The following CDNF variants were observed in gnomAD, a reference collection of about 807,000 sequenced individuals.
CDNF encodes cerebral dopamine neurotrophic factor, also known as ARMET-like protein 1.
A neutral mutation model predicts 14.8 loss-of-function variants in CDNF; 9 were observed. The observed-to-expected ratio is 0.61, with a 90% CI of 0.37 to 1.06. The LOEUF (loss-of-function observed/expected upper bound fraction) is 1.06, where lower values mean the gene tolerates loss of function less well. Among genes scored for constraint, CDNF ranks in the 50% least tolerant of loss-of-function variants. CDNF has a pLI of 0.01. For synonymous variants in CDNF, 86 were observed against 87.2 expected, an observed-to-expected ratio of 0.99 and a Z score of 0.07; for missense variants, 228 against 228.4, an observed-to-expected ratio of 1.00 and a Z score of 0.01.
chr10:14,823,489 C>T (rs1833754495), intron 3 of CDNF, among the ~76,000 whole-genome samples: 1 of 152,144 alleles, frequency 6.6e-6, no homozygotes, highest in Admixed American at 6.6e-5. Context: ...TTTAAAAAAT[C>T]AAAAGAGGTT....
At chr10:14,828,917 C>T (rs780756018) in intron 1 of CDNF, among the ~76,000 whole-genome samples, 21 of 151,696 alleles carry the variant, frequency 1.4e-4, no homozygotes, top group Admixed American at 2.0e-4. Context: ...GTCAGCTACT[C>T]GAGAGGCTGA....
At chr10:14,826,029 G>GAAGGAGAAGAAGA (rs1833779022) in intron 2 of CDNF, among the ~76,000 whole-genome samples, 1 of 86,206 alleles carries the variant, frequency 1.2e-5, no homozygotes, top group Non-Finnish European at 2.2e-5. Flanking sequence ...GAAGAAGAAG[G>GAAGGAGAAGAAGA]AGAAGAAGAA....
intron 3 of CDNF, among the ~76,000 whole-genome samples, chr10:14,820,723 C>G (rs1256765036): frequency 6.6e-6 from 1 of 151,724 alleles, no homozygotes; most frequent in Non-Finnish European, 1.5e-5. Flanking sequence ...CAGATTGAGA[C>G]TCTGTCTCAA....
chr10:14,827,351 G>A (rs372697337), intron 2 of CDNF, among the ~76,000 whole-genome samples: 55 of 152,216 alleles, frequency 3.6e-4, no homozygotes, highest in African/African-American at 1.3e-3. Flanking sequence ...AGGGAAAAAG[G>A]AATTGGCCCC....
chr10:14,835,058 C>T (rs1833875641), intron 1 of CDNF, among the ~76,000 whole-genome samples: 3 of 152,006 alleles, frequency 2.0e-5, no homozygotes, highest in South Asian at 2.1e-4. Flanking sequence ...ATGCTGTCAC[C>T]GTAAGCATGA....
Position 14,819,781 on chromosome 10 carries a change from G to T in CDNF, c.*199C>A. 2.0e-6 allele frequency: 1 copy of T among 489,062 alleles called. No individual in the cohort carries two copies. The highest frequency in any genetic ancestry group is 3.5e-6 in the Non-Finnish European group (1 of 282,458). 30.3% of individuals were successfully genotyped at this position (489,062 alleles called of 1,614,324 possible). A position where few individuals can be genotyped will look rare whatever the true frequency, so the allele number is the denominator to read the frequency against. Reference sequence around the variant, plus strand: ...TATGAGAAAGGAACTTTTAGCTTTTGGTACACTGCAAATGTAAGTTATCAG... The same window carrying T: ...TATGAGAAAGGAACTTTTAGCTTTTTGTACACTGCAAATGTAAGTTATCAG... On this transcript the variant is annotated 3_prime_UTR_variant, in exon 4 of 4. Transcript: ENST00000465530.
At chr10:14,826,020 A>AAGGAGAAGG (rs1833778244) in intron 2 of CDNF, among the ~76,000 whole-genome samples, 2 of 113,298 alleles carry the variant, frequency 1.8e-5, no homozygotes, top group African/African-American at 1.0e-4. Flanking sequence ...GAAGCAGAAG[A>AAGGAGAAGG]AGAAGAAGGA....
At chr10:14,835,521 C>T (rs953530480) in intron 1 of CDNF, among the ~76,000 whole-genome samples, 13 of 152,164 alleles carry the variant, frequency 8.5e-5, no homozygotes, top group African/African-American at 3.1e-4. Flanking sequence ...AGAGAATAAC[C>T]TCACCATAAA....
chr10:14,826,194 C>CAGAAGA (rs372563801), intron 2 of CDNF, among the ~76,000 whole-genome samples: 72 of 113,234 alleles, frequency 6.4e-4, no homozygotes, highest in Middle Eastern at 5.6e-3. Context: ...GCAGAAGCAG[C>CAGAAGA]AGAAGAAGAA....
At chr10:14,834,479 T>C (rs1833870399) in intron 1 of CDNF, 1 of 152,226 alleles carries the variant, frequency 6.6e-6, no homozygotes, top group Admixed American at 6.5e-5. Flanking sequence ...TACCTTCATA[T>C]GATTTCTATA....
chr10:14,822,892 A>G (rs1318365041), intron 3 of CDNF, among the ~76,000 whole-genome samples: 1 of 152,224 alleles, frequency 6.6e-6, no homozygotes, highest in Non-Finnish European at 1.5e-5. Context: ...TTAAATTTTT[A>G]TAGTGATTCC....
rs1366910268 is a variant in CDNF, at chr10:14,837,844, C to A, written c.103G>T (p.Ala35Ser). ...QGQEAGGRPGADCEVCKEFLN... is the reference protein window; with the variant it reads ...QGQEAGGRPGSDCEVCKEFLN... ...TCACACCGCTCACCTTCACAGTCGG[C>A]CCCTGGCCGCCCCCCGGCCTCCTGG... is the stretch of plus-strand genomic sequence containing the variant. Residue 35 changes from alanine to serine, a missense_variant, in exon 1 of 4, where the codon GCC becomes TCC. Transcript: ENST00000465530. 1 of 1,589,168 alleles carries A rather than the reference C, an allele frequency of 6.3e-7. No homozygotes were observed. Among genetic ancestry groups the A allele is most frequent in the Non-Finnish European group, 8.5e-7 (1 of 1,169,798 alleles).
rs1205876424 is a variant in CDNF, at chr10:14,825,356, AACT to A, written c.385+120_385+122del. On this transcript the variant is annotated intron_variant, in intron 3 of 3. Coordinates refer to ENST00000465530, the MANE Select transcript of CDNF (RefSeq NM_001029954.3). ...CATAGGTACCATTCATCAGCCAAGC[AACT>A]TATTGATGAGTGGTGAATTTCTTTC... 7.5e-6 allele frequency: 7 copies of A among 935,744 alleles called. No individual in the cohort carries two copies. The African/African-American group carries it at 8.2e-5, about 11-fold the overall frequency. The allele number at this position is 935,744 out of a possible 1,614,324, so 58.0% of individuals were successfully genotyped here. A position where few individuals can be genotyped will look rare whatever the true frequency, so the allele number is the denominator to read the frequency against.
rs1444412612 is a variant in CDNF, at chr10:14,837,904, C to A, written c.43G>T (p.Gly15Trp). The A allele has an allele frequency of 6.2e-7, 1 of 1,607,262 alleles. No individual in the cohort carries two copies. The highest frequency in any genetic ancestry group is 2.2e-5 in the East Asian group (1 of 44,760). Residue 15 changes from glycine to tryptophan, a missense_variant, in exon 1 of 4, where the codon GGG becomes TGG. Coordinates refer to ENST00000465530, the MANE Select transcript of CDNF (RefSeq NM_001029954.3). ...AGCACCGGGTGAGAGACCAAAAGCC[C>A]GGCGCAAAAGGCCACCACAGCAACT... ...SPVAVVAFCA[G>W]LLVSHPVLTQ...
At chr10:14,837,143 C>T (rs1833897947) in intron 1 of CDNF, among the ~76,000 whole-genome samples, 1 of 152,172 alleles carries the variant, frequency 6.6e-6, no homozygotes, top group South Asian at 2.1e-4. Context: ...AAGGGGCTAG[C>T]ATAGCCACTT....
intron 1 of CDNF, 60 bp downstream of exon 1, chr10:14,837,772 G>T: frequency 2.9e-6 from 3 of 1,046,598 alleles, no homozygotes; most frequent in South Asian, 2.8e-5. Flanking sequence ...AGCCAAAGCC[G>T]ACAGCTGCTG....
At chr10:14,828,335 G>C in intron 1 of CDNF, 63 bp from the exon 2 acceptor site, 5 of 1,525,154 alleles carry the variant, frequency 3.3e-6, no homozygotes, top group Non-Finnish European at 4.5e-6. Context: ...CTATGCATAT[G>C]ACCCACTAAC....
chr10:14,826,536 GAAGA>G (rs1226168495), intron 2 of CDNF, among the ~76,000 whole-genome samples: 11 of 152,178 alleles, frequency 7.2e-5, no homozygotes, highest in African/African-American at 2.7e-4. Context: ...AGCAGAAGAA[GAAGA>G]AAGAAGAAGA....
Position 14,828,232 on chromosome 10 carries a change from T to C in CDNF, c.156A>G (p.Ile52Met), listed in dbSNP as rs1226193051. 3 of 1,613,326 alleles carry C rather than the reference T, an allele frequency of 1.9e-6. No homozygotes were observed. The highest frequency in any genetic ancestry group is 1.7e-5 in the Admixed American group (1 of 60,018). Residue 52 changes from isoleucine (I) to methionine (M), a missense_variant, in exon 2 of 4, where the codon ATA becomes ATG. Physicochemically the swap from Ile to Met is conservative, Grantham distance 10. Coordinates refer to ENST00000465530, the MANE Select transcript of CDNF (RefSeq NM_001029954.3). ...CCAGCGAAAAGTTAACTCCTCTGTC[T>C]ATCAGTGACTTGTAGAATCGGTTCA... ...EFLNRFYKSL[I>M]DRGVNFSLDT...
Sources: gnomAD v4.1 joint callset for allele counts (sites outside exome capture counted in the v4.1 genomes callset) on GRCh38, gnomAD v4.1.1 for gene constraint, MANE v1.5 for transcripts, NCBI Gene and HGNC (gene_info 2026-07-23, HGNC 2026-07-21) for gene names.